KCNQ5: variants seen among roughly 807,000 people sequenced by gnomAD.
KCNQ5 encodes potassium voltage-gated channel subfamily Q member 5, also known as potassium voltage-gated channel subfamily KQT member 5.
In KCNQ5, 30 loss-of-function variants were observed where a neutral mutation model predicts 98.2. The observed-to-expected ratio is 0.31, with a 90% CI of 0.23 to 0.41. The LOEUF (loss-of-function observed/expected upper bound fraction) is 0.41. KCNQ5 is among the 10% of genes least tolerant of loss of function. The pLI, the probability that KCNQ5 is intolerant of heterozygous loss-of-function variation, is 1.00. For synonymous variants in KCNQ5, 458 were observed against 449.4 expected (o/e 1.02, Z -0.24); for missense variants, 835 against 1,182.5 (o/e 0.71, Z 4.31).
chr6:72,862,960 ATTGT>A (rs1257903293), intron 1 of KCNQ5, among the ~76,000 whole-genome samples: 1 of 152,168 alleles, frequency 6.6e-6, no homozygotes, highest in Non-Finnish European at 1.5e-5. Context: ...AAAATTTATA[ATTGT>A]TTGTTTTTCT....
chr6:72,756,769 A>G (rs373867775), intron 1 of KCNQ5, among the ~76,000 whole-genome samples: 5 of 152,008 alleles, frequency 3.3e-5, no homozygotes, highest in Admixed American at 3.3e-4. Flanking sequence ...AATATTATAT[A>G]TAAGATTAAT....
chr6:72,923,441 G>T (rs1302376136), intron 1 of KCNQ5, among the ~76,000 whole-genome samples: 1 of 152,122 alleles, frequency 6.6e-6, no homozygotes, highest in African/African-American at 2.4e-5. Flanking sequence ...CAGGTGTGAG[G>T]TGATGTCTCA....
intron 1 of KCNQ5, among the ~76,000 whole-genome samples, chr6:72,705,337 A>C (rs565737762): frequency 2.6e-5 from 4 of 152,284 alleles, no homozygotes; most frequent in African/African-American, 9.6e-5. Context: ...TATTGAATTC[A>C]TTTATTCTTT....
intron 11 of KCNQ5, among the ~76,000 whole-genome samples, chr6:73,175,540 C>T (rs1778181033): frequency 1.3e-5 from 2 of 152,198 alleles, no homozygotes; most frequent in African/African-American, 2.4e-5. Context: ...GGTGAGCTTG[C>T]TGCCTTCCCA....
chr6:72,919,134 G>A (rs966550252), intron 1 of KCNQ5, among the ~76,000 whole-genome samples: 4 of 152,084 alleles, frequency 2.6e-5, no homozygotes, highest in Non-Finnish European at 5.9e-5. Flanking sequence ...TGACTTGATC[G>A]TTCATGGCCA....
chr6:73,182,032 T>C (rs1778418727), intron 11 of KCNQ5, among the ~76,000 whole-genome samples: 1 of 152,114 alleles, frequency 6.6e-6, no homozygotes, highest in Non-Finnish European at 1.5e-5. Flanking sequence ...AAACTTCTTT[T>C]GTAAGCATGT....
At chr6:72,795,399 T>C (rs980588593) in intron 1 of KCNQ5, among the ~76,000 whole-genome samples, 13 of 152,200 alleles carry the variant, frequency 8.5e-5, no homozygotes, top group African/African-American at 2.4e-4. Flanking sequence ...CAGTCAGATA[T>C]TGCAAAAATT....
chr6:72,735,924 TA>T, intron 1 of KCNQ5, among the ~76,000 whole-genome samples: 3 of 152,256 alleles, frequency 2.0e-5, no homozygotes, highest in Middle Eastern at 6.8e-3. Flanking sequence ...CTTTTTAAGC[TA>T]AAAACTTAAA....
rs192266629 is a variant in KCNQ5, at chr6:72,887,165, G to A, written c.399-116743G>A. 1.9e-3 allele frequency among the ~76,000 whole-genome samples: 288 copies of A among 152,218 alleles called. 2 individuals carry two copies. The highest frequency in any genetic ancestry group is 6.5e-3 in the African/African-American group (269 of 41,540). Reference sequence around the variant, plus strand: ...TGTATTAGTCCATTTTTATGCTGCAGATAAAGACATACCTGAGACTAGAAA... The same window carrying A: ...TGTATTAGTCCATTTTTATGCTGCAAATAAAGACATACCTGAGACTAGAAA... On this transcript the variant is annotated intron_variant, in intron 1 of 13. Coordinates refer to ENST00000370398, the MANE Select transcript of KCNQ5 (RefSeq NM_019842.4).
chr6:72,655,022 GTCTGTCTTTCTTTCTTTCTTTCTTTCTT>G lies in KCNQ5; in HGVS notation c.398+32439_398+32466del, dbSNP rs1372812821. On this transcript the variant is annotated intron_variant, in intron 1 of 13. Transcript: ENST00000370398. ...TTTCCATGTTTAATAGCCAAGGTCT[GTCTGTCTTTCTTTCTTTCTTTCTTTCTT>G]TCTTTCTTTCTTTCTTTCTTTCTTT... 4.4e-4 allele frequency among the ~76,000 whole-genome samples: 52 copies of G among 119,060 alleles called. 1 individual carries two copies. The highest frequency in any genetic ancestry group is 1.2e-3 in the African/African-American group (40 of 32,788). 78.1% of individuals were successfully genotyped at this position (119,060 alleles called of 152,430 possible).
chr6:72,970,859 T>C (rs1399024365), intron 1 of KCNQ5, among the ~76,000 whole-genome samples: 1 of 152,158 alleles, frequency 6.6e-6, no homozygotes, highest in African/African-American at 2.4e-5. Flanking sequence ...CAAGATGGAT[T>C]AAAGACTTAC....
At position 73,133,637 on chromosome 6, in the gene KCNQ5, A is replaced by G. The variant is rs868260246; in HGVS notation, c.1464A>G (p.Ile488Met). ...RLKSSQPKPV[I>M]DADTALGTDD... ...AAAGTTCTCAGCCAAAACCAGTGAT[A>G]GATGGTAAGCCCTGTTTTTCCATAA... The change falls in exon 10 of 14, where the codon ATA becomes ATG. Residue 488 changes from isoleucine to methionine, a missense_variant. Ile to Met is a conservative substitution (Grantham distance 10). Around this residue, in one of 10 missense-constraint regions of KCNQ5, gnomAD observed 146 missense variants for 256.7 expected, o/e 0.57. Coordinates refer to ENST00000370398, the MANE Select transcript of KCNQ5 (RefSeq NM_019842.4). 3.7e-6 allele frequency: 6 copies of G among 1,613,968 alleles called. No homozygotes were observed. The African/African-American group carries it at 4.0e-5, about 11-fold the overall frequency.
intron 1 of KCNQ5, among the ~76,000 whole-genome samples, chr6:72,687,192 T>C (rs997204596): frequency 6.6e-6 from 1 of 152,210 alleles, no homozygotes. Flanking sequence ...CGTTACTGAA[T>C]ACTTAAGCCA....
intron 1 of KCNQ5, among the ~76,000 whole-genome samples, chr6:72,877,606 T>G (rs1581943300): frequency 6.6e-6 from 1 of 152,188 alleles, no homozygotes; most frequent in Non-Finnish European, 1.5e-5. Context: ...GGGTCAAATG[T>G]TATTTCTGGT....
intron 1 of KCNQ5, among the ~76,000 whole-genome samples, chr6:72,820,475 T>C (rs1775701533): frequency 6.6e-6 from 1 of 151,726 alleles, no homozygotes; most frequent in African/African-American, 2.4e-5. Context: ...TTTCTTTCTT[T>C]CTTTCTTTCT....
At chr6:72,918,619 G>A (rs906541334) in intron 1 of KCNQ5, among the ~76,000 whole-genome samples, 5 of 151,906 alleles carry the variant, frequency 3.3e-5, no homozygotes, top group South Asian at 2.1e-4. Flanking sequence ...GAAATTGAGG[G>A]CTGGCTGGCC....
At chr6:72,685,184 A>G (rs913095906) in intron 1 of KCNQ5, among the ~76,000 whole-genome samples, 3 of 152,222 alleles carry the variant, frequency 2.0e-5, no homozygotes, top group Non-Finnish European at 2.9e-5. Flanking sequence ...TATCTATTTT[A>G]GTAACCTGTA....
At chr6:72,715,850 T>C (rs1052132955) in intron 1 of KCNQ5, among the ~76,000 whole-genome samples, 15 of 152,310 alleles carry the variant, frequency 9.8e-5, no homozygotes, top group African/African-American at 3.1e-4. Context: ...CCATTTTTCA[T>C]CTTTTAAGAA....
intron 6 of KCNQ5, among the ~76,000 whole-genome samples, chr6:73,110,155 A>G (rs1042453805): frequency 2.0e-5 from 3 of 152,244 alleles, no homozygotes; most frequent in Non-Finnish European, 4.4e-5. Context: ...CCTGTAGCAA[A>G]TACTGACTTA....
Sources: gnomAD v4.1 joint callset for allele counts (sites outside exome capture counted in the v4.1 genomes callset) on GRCh38, gnomAD v4.1.1 for gene constraint, gnomAD v4.1.1 regional missense constraint, MANE v1.5 for transcripts, NCBI Gene and HGNC (gene_info 2026-07-23, HGNC 2026-07-21) for gene names.